Variants in UMODL1 observed in about 807,000 individuals in gnomAD.
The protein encoded by UMODL1 is uromodulin like 1, also known as uromodulin-like 1.
In UMODL1, 128 loss-of-function variants were observed where a neutral mutation model predicts 136.3. The observed-to-expected ratio is 0.94, with a 90% CI of 0.81 to 1.09. The LOEUF (loss-of-function observed/expected upper bound fraction) is 1.09, where lower values mean the gene tolerates loss of function less well. Among genes scored for constraint, UMODL1 ranks in the 50% least tolerant of loss-of-function variants. UMODL1 has a pLI of 0.00. For synonymous variants in UMODL1, 721 were observed against 720.0 expected (o/e 1.00, Z -0.02); for missense variants, 1,766 against 1,725.6 (o/e 1.02, Z -0.41).
chr21:42,080,409 C>CG (rs2066348502), intron 2 of UMODL1, among the ~76,000 whole-genome samples: 1 of 152,172 alleles, frequency 6.6e-6, no homozygotes, highest in Non-Finnish European at 1.5e-5. Context: ...CTCAGCTACC[C>CG]GGGGGTCTGC....
intron 6 of UMODL1, among the ~76,000 whole-genome samples, chr21:42,092,076 C>T (rs533430199): frequency 1.9e-4 from 29 of 152,322 alleles, no homozygotes; most frequent in Admixed American, 3.9e-4. Context: ...GGAGGGTACA[C>T]GCATGGGTAA....
Position 42,113,723 on chromosome 21 carries a change from C to T in UMODL1, c.2255C>T (p.Thr752Met), listed in dbSNP as rs369805254. ...GCTGTGGTCCTAGAGACCTGGAACA[C>T]GAGTGTGACACTGTCGGGGCTGGAG... ...SPAVVLETWNTSVTLSGLEPG... is the reference protein window; with the variant it reads ...SPAVVLETWNMSVTLSGLEPG... Residue 752 changes from threonine (T) to methionine (M), a missense_variant, in exon 13 of 23, where the codon ACG (threonine) becomes ATG (methionine). Transcript: ENST00000408910. The T allele has an allele frequency of 1.8e-5, 29 of 1,613,940 alleles. No homozygotes were observed. Among genetic ancestry groups the T allele is most frequent in the South Asian group, 3.3e-5 (3 of 91,082 alleles).
rs2066964673 is a variant in UMODL1, at chr21:42,121,106, GA to G, written c.2711del (p.Lys904ArgfsTer80). On this transcript the variant is annotated frameshift_variant, in exon 16 of 23. Coordinates refer to ENST00000408910, the MANE Select transcript of UMODL1 (RefSeq NM_001004416.3). LOFTEE classifies it high-confidence loss of function. Reference protein sequence around the residue: ...FIQDYDECERKEDDCVPGTSC... With the variant: ...FIQDYDECERXEDDCVPGTSC... ...GTGCAGATTACGATGAGTGTGAAAG[GA>G]AGGAGGACGACTGTGTGCCGGGGAC... 30 of 1,613,788 alleles carry G rather than the reference GA, an allele frequency of 1.9e-5. No homozygotes were observed. Among genetic ancestry groups the G allele is most frequent in the Non-Finnish European group, 2.5e-5 (30 of 1,179,848 alleles).
chr21:42,073,802 G>A (rs1319793039), intron 1 of UMODL1, among the ~76,000 whole-genome samples: 4 of 148,534 alleles, frequency 2.7e-5, no homozygotes, highest in Admixed American at 2.7e-4. Context: ...TCCCATCTCT[G>A]TGTTCCTCCC....
chr21:42,122,633 G>A lies in UMODL1; in HGVS notation c.2828-198G>A, dbSNP rs1188901749. 4.0e-5 allele frequency among the ~76,000 whole-genome samples: 6 copies of A among 149,602 alleles called. No individual in the cohort carries two copies. Among genetic ancestry groups the A allele is most frequent in the Non-Finnish European group, 7.4e-5 (5 of 67,508 alleles). On this transcript the variant is annotated intron_variant, in intron 16 of 22. Transcript: ENST00000408910. The surrounding 1 kb of genome is among the most constrained non-coding windows in gnomAD (Gnocchi z 4.3). ...TCTGCGTGCATGTGTGTGCATGCAC[G>A]TGTGTGTACGTGTGTGTGCATATGT...
rs2066597362 is a variant in UMODL1 at position 42,099,222 on chromosome 21, GTCTT to G, written c.1186+46_1186+49del. 1 of 1,597,604 alleles carries G rather than the reference GTCTT, an allele frequency of 6.3e-7. No homozygotes were observed. The highest frequency in any genetic ancestry group is 1.3e-5 in the African/African-American group (1 of 74,618). ...GAGACCCACGTTAGCTTGCGAGCTT[GTCTT>G]TCTATCCCAGGTCTGTGGCCCTAGC... On this transcript the variant is annotated intron_variant, in intron 7 of 22. Transcript: ENST00000408910. This position sits in a 1 kb window ranked among gnomAD's most constrained non-coding sequence, Gnocchi z 4.1.
intron 8 of UMODL1, 129 bp from the exon 9 acceptor site, chr21:42,103,739 G>A (rs202243010): frequency 8.2e-4 from 927 of 1,127,340 alleles, no homozygotes; most frequent in Non-Finnish European, 9.3e-4. Context: ...GAGGTCGGTC[G>A]TCAGGTGCCT....
intron 1 of UMODL1, 120 bp from the exon 2 acceptor site, chr21:42,075,881 GAGGC>G: frequency 7.0e-7 from 1 of 1,427,672 alleles, no homozygotes; most frequent in Non-Finnish European, 9.5e-7. Flanking sequence ...CAGCTTCTGA[GAGGC>G]CTGCGCGAGT....
rs7279283 is a variant in UMODL1, at chr21:42,129,619, G to A, written c.3691-94G>A. On this transcript the variant is annotated intron_variant, in intron 20 of 22. Transcript: ENST00000408910. Reference sequence around the variant, plus strand: ...TTGCAACTTCTAGCAGGATAAAATCGCATACATCACATTAGCATCCTTGAT... The same window carrying A: ...TTGCAACTTCTAGCAGGATAAAATCACATACATCACATTAGCATCCTTGAT... 9.2e-3 allele frequency: 10,492 copies of A among 1,142,626 alleles called. 733 individuals are homozygous for A. The African/African-American group carries it at 0.15, about 16-fold the overall frequency. The allele number at this position is 1,142,626 out of a possible 1,614,324, so 70.8% of individuals were successfully genotyped here.
intron 5 of UMODL1, 117 bp downstream of exon 5, chr21:42,088,597 T>C: frequency 1.8e-6 from 2 of 1,082,708 alleles, no homozygotes; most frequent in Non-Finnish European, 2.6e-6. Context: ...GAGGTTTAAG[T>C]TCAGGAGCAA....
intron 15 of UMODL1, chr21:42,120,808 C>T: frequency 3.3e-6 from 1 of 301,178 alleles, no homozygotes; most frequent in East Asian, 5.7e-5. Flanking sequence ...CTGGTTACTC[C>T]CGGGAACTGA....
chr21:42,077,002 G>GTGTGT (rs2066299801), intron 2 of UMODL1, among the ~76,000 whole-genome samples: 7 of 113,164 alleles, frequency 6.2e-5, no homozygotes, highest in African/African-American at 2.2e-4. Flanking sequence ...CCAGGGGAGG[G>GTGTGT]GTGTGTGTGT....
intron 1 of UMODL1, among the ~76,000 whole-genome samples, chr21:42,065,822 G>T (rs2066178837): frequency 6.6e-6 from 1 of 152,150 alleles, no homozygotes. Context: ...GTGAGCCACT[G>T]CACTCAGCCT....
chr21:42,122,728 C>A lies in UMODL1; in HGVS notation c.2828-103C>A. ...AACATGCGGTTCCCAGGTGTGGCTG[C>A]TGCAGAGTGCAGGGCAGCTCCAGTC... On this transcript the variant is annotated intron_variant, in intron 16 of 22. Coordinates refer to ENST00000408910, the MANE Select transcript of UMODL1 (RefSeq NM_001004416.3). This position sits in a 1 kb window ranked among gnomAD's most constrained non-coding sequence, Gnocchi z 4.3. 1.7e-6 allele frequency: 2 copies of A among 1,211,078 alleles called. No homozygotes were observed. Among genetic ancestry groups the A allele is most frequent in the Non-Finnish European group, 2.2e-6 (2 of 889,792 alleles). 75.0% of individuals were successfully genotyped at this position (1,211,078 alleles called of 1,614,324 possible).
At chr21:42,107,172 A>C (rs1263035915) in intron 9 of UMODL1, among the ~76,000 whole-genome samples, 2 of 152,162 alleles carry the variant, frequency 1.3e-5, no homozygotes, top group African/African-American at 2.4e-5. Context: ...ATCTGCTCTC[A>C]GGAGAGATTC....
intron 1 of UMODL1, among the ~76,000 whole-genome samples, chr21:42,073,017 T>TGCGCGCGCGCGC (rs1319889022): frequency 6.6e-6 from 1 of 150,874 alleles, no homozygotes; most frequent in Non-Finnish European, 1.5e-5. Flanking sequence ...AGTGTGTGTG[T>TGCGCGCGCGCGC]GTGTGCGCGC....
Position 42,110,933 on chromosome 21 carries a change from G to A in UMODL1, c.1711G>A (p.Val571Ile). 2 of 1,612,928 alleles carry A rather than the reference G, an allele frequency of 1.2e-6. No individual in the cohort carries two copies. The highest frequency in any genetic ancestry group is 1.7e-6 in the Non-Finnish European group (2 of 1,179,766). Residue 571 changes from valine (V) to isoleucine (I), a missense_variant, in exon 11 of 23, where the codon GTC becomes ATC. Val to Ile is a conservative substitution (Grantham distance 29, BLOSUM62 3). Transcript: ENST00000408910. Reference protein sequence around the residue: ...GGLSAATGVTVPGLGTGTAAL... With the variant: ...GGLSAATGVTIPGLGTGTAAL... The stretch of plus-strand genomic sequence containing the variant: ...ACTGTCTGCGGCAACAGGGGTAACG[G>A]TCCCAGGTCTTGGCACGGGAACAGC...
intron 6 of UMODL1, among the ~76,000 whole-genome samples, chr21:42,092,404 T>TTA (rs1555921988): frequency 6.6e-6 from 1 of 151,812 alleles, no homozygotes; most frequent in Non-Finnish European, 1.5e-5. Context: ...TTTTTTTTTT[T>TTA]AAACCTTATT....
At position 42,082,003 on chromosome 21, in the gene UMODL1, G is replaced by A. The variant is rs373168900; in HGVS notation, c.320-2081G>A. ...ACCCAACGTTCATTTTTCATGCACGGCCATCGGTAGAGCTGCCTGGATGAT... is the reference window on the plus strand; with the variant it reads ...ACCCAACGTTCATTTTTCATGCACGACCATCGGTAGAGCTGCCTGGATGAT... On this transcript the variant is annotated intron_variant, in intron 2 of 22. Transcript: ENST00000408910. Among the ~76,000 whole-genome samples, 16 of 152,308 alleles carry A rather than the reference G, an allele frequency of 1.1e-4. No individual in the cohort carries two copies. In the East Asian group the frequency reaches 3.1e-3, roughly 29 times the overall value.
Sources: gnomAD v4.1 joint callset for allele counts (sites outside exome capture counted in the v4.1 genomes callset) on GRCh38, gnomAD v4.1.1 for gene constraint, Gnocchi (gnomAD v3.1) non-coding constraint, MANE v1.5 for transcripts, NCBI Gene and HGNC (gene_info 2026-07-23, HGNC 2026-07-21) for gene names.